CIZ1: variants seen among roughly 807,000 people sequenced by gnomAD.
CIZ1 encodes CDKN1A interacting zinc finger protein 1, also known as cip1-interacting zinc finger protein.
CIZ1 carries 58 observed loss-of-function variants against 118.6 expected under a neutral mutation model. The observed-to-expected ratio is 0.49, with a 90% CI of 0.40 to 0.61. The LOEUF is 0.61. Among genes scored for constraint, CIZ1 ranks in the 20% least tolerant of loss-of-function variants. CIZ1 has a pLI of 0.00. For missense variants in CIZ1, 921 were observed against 1,115.9 expected (o/e 0.83, Z 2.49); for synonymous variants, 448 against 443.4 (o/e 1.01, Z -0.13).
intron 12 of CIZ1, chr9:128,169,749 A>AGAGAAGAC: frequency 1.3e-6 from 2 of 1,511,400 alleles, no homozygotes; most frequent in Non-Finnish European, 8.9e-7. Context: ...ACAGACACAG[A>AGAGAAGAC]GAGAAGACGA....
chr9:128,180,542 C>T lies in CIZ1; in HGVS notation c.683-19G>A, dbSNP rs758600947. On this transcript the variant is annotated intron_variant, in intron 6 of 16. Transcript: ENST00000372938. ...TCTTGGTCTGGAATGGAGGCATGAGCGAGGGAACTCATGTTGGGAAGAGCA... is the reference window on the plus strand; with the variant it reads ...TCTTGGTCTGGAATGGAGGCATGAGTGAGGGAACTCATGTTGGGAAGAGCA... The T allele has an allele frequency of 2.5e-6, 4 of 1,594,506 alleles. No individual in the cohort carries two copies. Among genetic ancestry groups the T allele is most frequent in the Middle Eastern group, 1.7e-4 (1 of 6,032 alleles).
intron 12 of CIZ1, 115 bp from the exon 13 acceptor site, chr9:128,169,634 C>G: frequency 6.5e-7 from 1 of 1,549,686 alleles, no homozygotes; most frequent in Non-Finnish European, 8.7e-7. Flanking sequence ...ATATCTGTAA[C>G]AAGCCGGGCT....
At position 128,178,791 on chromosome 9, in the gene CIZ1, C is replaced by T. The variant is rs112085469; in HGVS notation, c.1416G>A (p.Ser472=). The T allele has an allele frequency of 9.3e-5, 150 of 1,614,262 alleles. No individual in the cohort carries two copies. In the African/African-American group the frequency reaches 1.0e-3, roughly 11 times the overall value. The change falls in exon 8 of 17, where the codon TCG becomes TCA. Residue 472 remains serine, a synonymous_variant. Coordinates refer to ENST00000372938, the MANE Select transcript of CIZ1 (RefSeq NM_001131016.2). ...CTGGTGTTTGCTCTGGAGCCAGCAA[C>T]GACACCTGCGGCTGGGTGTGAGGCT... is the stretch of plus-strand genomic sequence containing the variant. ...HEQPHTQPQV[S]LLAPEQTPVV...
At chr9:128,191,864 G>A, upstream of CIZ1, 2 of 1,470,256 alleles carry the variant, frequency 1.4e-6, no homozygotes, top group Non-Finnish European at 9.0e-7. This position sits in a 1 kb window ranked among gnomAD's most constrained non-coding sequence, Gnocchi z 5.5. Flanking sequence ...CCTCCCTGCG[G>A]CCGCCGCGGT....
At position 128,169,079 on chromosome 9, in the gene CIZ1, G is replaced by T. The variant is rs771467210; in HGVS notation, c.2268C>A (p.Ile756=). 3.1e-6 allele frequency: 5 copies of T among 1,613,876 alleles called. No individual in the cohort carries two copies. Among genetic ancestry groups the T allele is most frequent in the Non-Finnish European group, 4.2e-6 (5 of 1,179,952 alleles). ...EEEDDEDEEE[I]EVEEELCKQV... ...GCTTGCAGAGTTCCTCCTCAACCTC[G>T]ATCTCTTCTTCATCCTCATCATCCT... The change falls in exon 14 of 17, where the codon ATC becomes ATA. Residue 756 remains isoleucine, a synonymous_variant. Transcript: ENST00000372938.
intron 1 of CIZ1, chr9:128,202,969 A>G (rs1198414325): frequency 1.3e-5 from 2 of 152,136 alleles, no homozygotes; most frequent in Non-Finnish European, 2.9e-5. Context: ...GACATGTTGG[A>G]GATCAGAGTC....
chr9:128,204,196 C>T (rs1833725326), exon 1 of CIZ1: 1 of 152,846 alleles, frequency 6.5e-6, no homozygotes, highest in Non-Finnish European at 1.5e-5. Flanking sequence ...CTCTGCGGCT[C>T]CCGCCGCCAT....
Position 128,166,283 on chromosome 9 carries a change from TG to T in CIZ1, c.2610del (p.Asn871ThrfsTer10). 1 of 466,304 alleles carries T rather than the reference TG, an allele frequency of 2.1e-6. No individual in the cohort carries two copies. 28.9% of individuals were successfully genotyped at this position (466,304 alleles called of 1,614,324 possible). ...TTGCTGGGTGTTTTGTCCTGGGTGT[TG>T]GGCTGGGAGGGTGGGCGGCCGCTGG... ...FTSSGRPPSQ[P>X]NTQDKTPSKV... On this transcript the variant is annotated frameshift_variant, in exon 17 of 17. Coordinates refer to ENST00000372938, the MANE Select transcript of CIZ1 (RefSeq NM_001131016.2). LOFTEE classifies it high-confidence loss of function. The surrounding 1 kb of genome is among the most constrained non-coding windows in gnomAD (Gnocchi z 4.4).
chr9:128,193,018 GA>G (rs1377880397), upstream of CIZ1, among the ~76,000 whole-genome samples: 4 of 152,216 alleles, frequency 2.6e-5, no homozygotes, highest in African/African-American at 9.6e-5. Flanking sequence ...TCGGGCAGCA[GA>G]ATTCGCGCGT....
At chr9:128,183,007 G>A (rs1004383581) in intron 5 of CIZ1, among the ~76,000 whole-genome samples, 3 of 152,082 alleles carry the variant, frequency 2.0e-5, no homozygotes, top group Admixed American at 2.0e-4. Flanking sequence ...AGACCTCAGG[G>A]AGGGCCAGGC....
upstream of CIZ1, chr9:128,191,889 G>T: frequency 6.9e-7 from 1 of 1,450,202 alleles, no homozygotes; most frequent in Non-Finnish European, 9.1e-7. The surrounding 1 kb of genome is among the most constrained non-coding windows in gnomAD (Gnocchi z 5.5). Flanking sequence ...CGATCCTGGG[G>T]CCCCGCGCGG....
chr9:128,196,519 G>T (rs1833380634), upstream of CIZ1, among the ~76,000 whole-genome samples: 1 of 150,702 alleles, frequency 6.6e-6, no homozygotes, highest in Admixed American at 6.6e-5. Flanking sequence ...CTGCACTTCA[G>T]CCTTGGCAAC....
chr9:128,191,845 C>CT, upstream of CIZ1: 1 of 1,479,184 alleles, frequency 6.8e-7, no homozygotes, highest in Non-Finnish European at 9.0e-7. This position sits in a 1 kb window ranked among gnomAD's most constrained non-coding sequence, Gnocchi z 5.5. Context: ...CCTTCCTGTT[C>CT]CCAACCCACC....
intron 5 of CIZ1, 30 bp downstream of exon 5, chr9:128,185,517 C>T (rs745472659): frequency 2.3e-5 from 32 of 1,401,246 alleles, no homozygotes; most frequent in East Asian, 4.7e-5. Flanking sequence ...GGTCCCCTCC[C>T]GCCCACTCCC....
intron 5 of CIZ1, among the ~76,000 whole-genome samples, chr9:128,185,250 C>T (rs551642116): frequency 5.8e-4 from 89 of 152,258 alleles, no homozygotes; most frequent in African/African-American, 2.1e-3. Context: ...TGTACTTCAG[C>T]CTGGGCAATA....
At position 128,203,383 on chromosome 9, in the gene CIZ1, T is replaced by A; in HGVS notation, c.-6+803A>T. Reference sequence around the variant, plus strand: ...CGGGGGCCCCGCGGCGCAGGCAGTCTGGGCGCGCGGCTGCAGCGGCGGAGC... The same window carrying A: ...CGGGGGCCCCGCGGCGCAGGCAGTCAGGGCGCGCGGCTGCAGCGGCGGAGC... On this transcript the variant is annotated intron_variant, in intron 1 of 17. Coordinates refer to the CIZ1 transcript ENST00000372948. This position sits in a 1 kb window ranked among gnomAD's most constrained non-coding sequence, Gnocchi z 5.3. 7.9e-7 allele frequency: 1 copy of A among 1,263,488 alleles called. No homozygotes were observed. The highest frequency in any genetic ancestry group is 1.0e-6 in the Non-Finnish European group (1 of 996,232). 78.3% of individuals were successfully genotyped at this position (1,263,488 alleles called of 1,614,324 possible).
Position 128,179,315 on chromosome 9 carries a change from G to A in CIZ1, c.892C>T (p.Leu298=), listed in dbSNP as rs764751265. 54 of 1,614,082 alleles carry A rather than the reference G, an allele frequency of 3.3e-5. No individual in the cohort carries two copies. The highest frequency in any genetic ancestry group is 7.7e-5 in the South Asian group (7 of 91,094). The change falls in exon 8 of 17, where the codon CTG becomes TTG. Residue 298 remains leucine (L), a synonymous_variant. Coordinates refer to ENST00000372938, the MANE Select transcript of CIZ1 (RefSeq NM_001131016.2). ...TVPKQTQTPD[L]LPEALEAQVL... ...TGGGCTTCCAGGGCCTCAGGCAGCA[G>A]GTCTGGTGTCTGTGTCTGTTTCGGT...
intron 1 of CIZ1, chr9:128,200,286 A>C (rs1181097629): frequency 3.3e-5 from 5 of 152,156 alleles, no homozygotes; most frequent in Non-Finnish European, 7.3e-5. Context: ...TGGGAGGATG[A>C]CCAGAGGTTT....
chr9:128,179,172 C>A lies in CIZ1; in HGVS notation c.1035G>T (p.Ala345=). 6.2e-7 allele frequency: 1 copy of A among 1,613,954 alleles called. No homozygotes were observed. The highest frequency in any genetic ancestry group is 1.1e-5 in the South Asian group (1 of 91,080). ...AGTGCTCTGGAGAGGTCTGTGTTTG[C>A]GCCTGCTTCTGCAGCTTTGGCTGCA... ...TQVQPKLQKQ[A]QTQTSPEHLV... Residue 345 remains alanine, a synonymous_variant, in exon 8 of 17, where the codon GCG becomes GCT. Transcript: ENST00000372938.
Sources: gnomAD v4.1 joint callset for allele counts (sites outside exome capture counted in the v4.1 genomes callset) on GRCh38, gnomAD v4.1.1 for gene constraint, Gnocchi (gnomAD v3.1) non-coding constraint, MANE v1.5 for transcripts, NCBI Gene and HGNC (gene_info 2026-07-23, HGNC 2026-07-21) for gene names.